Variants in NUMB observed in about 807,000 individuals in gnomAD.
NUMB encodes protein numb homolog.
Under a neutral mutation model 59.7 loss-of-function variants are expected in NUMB, and 29 were observed. The observed-to-expected ratio is 0.49, with a 90% CI of 0.36 to 0.66. The LOEUF (loss-of-function observed/expected upper bound fraction) is 0.66, where lower values mean the gene tolerates loss of function less well. Among genes scored for constraint, NUMB ranks in the 30% least tolerant of loss-of-function variants. NUMB has a pLI of 0.00. For synonymous variants in NUMB, 288 were observed against 288.2 expected (o/e 1.00, Z 0.01); for missense variants, 723 against 822.0 (o/e 0.88, Z 1.47).
At chr14:73,378,538 G>C (rs1287189963) in intron 2 of NUMB, among the ~76,000 whole-genome samples, 3 of 152,052 alleles carry the variant, frequency 2.0e-5, no homozygotes, top group Non-Finnish European at 4.4e-5. Context: ...ACAAACTGTG[G>C]TACATTCAAA....
In NUMB at chr14:73,293,259, C is replaced by T. The variant is rs558507829; in HGVS notation, c.310-385G>A. On this transcript the variant is annotated intron_variant, in intron 7 of 12. Transcript: ENST00000555238. ...ATAATAGTCATGTTTATGCTAACTT[C>T]GTTACACAATGAACACTACACACAC... Among the ~76,000 whole-genome samples, 14 of 152,166 alleles carry T rather than the reference C, an allele frequency of 9.2e-5. No homozygotes were observed. In the South Asian group the frequency reaches 1.5e-3, roughly 16 times the overall value.
At chr14:73,342,091 G>T (rs962938498) in intron 4 of NUMB, among the ~76,000 whole-genome samples, 1 of 152,182 alleles carries the variant, frequency 6.6e-6, no homozygotes, top group Non-Finnish European at 1.5e-5. Flanking sequence ...GAGAGACAAG[G>T]TCTCACTATA....
intron 4 of NUMB, among the ~76,000 whole-genome samples, chr14:73,353,079 T>TTTTTTTTTTTTG (rs1893539083): frequency 1.0e-5 from 1 of 96,480 alleles, no homozygotes; most frequent in Non-Finnish European, 2.1e-5. Flanking sequence ...CTTGTTTTTT[T>TTTTTTTTTTTTG]TTTTTTTTTT....
At chr14:73,452,307 C>T (rs1884043472) in intron 1 of NUMB, among the ~76,000 whole-genome samples, 1 of 152,096 alleles carries the variant, frequency 6.6e-6, no homozygotes, top group South Asian at 2.1e-4. Flanking sequence ...TTGCGGTGAG[C>T]TAAAATTGTG....
intron 4 of NUMB, among the ~76,000 whole-genome samples, chr14:73,324,620 T>G (rs182312224): frequency 3.3e-5 from 5 of 152,178 alleles, no homozygotes; most frequent in Admixed American, 3.3e-4. Flanking sequence ...CAAAGTTTTT[T>G]TTTTTTTCAA....
intron 6 of NUMB, chr14:73,298,719 C>G (rs1395384840): frequency 6.6e-6 from 1 of 152,200 alleles, no homozygotes; most frequent in Non-Finnish European, 1.5e-5. Context: ...AACTACCATT[C>G]TCCTCTATAA....
intron 1 of NUMB, among the ~76,000 whole-genome samples, chr14:73,411,919 CTTTTTTTTTT>C (rs935625343): frequency 9.4e-6 from 1 of 106,818 alleles, no homozygotes; most frequent in South Asian, 3.1e-4. Context: ...CAGCAATTAA[CTTTTTTTTTT>C]TTTTTTTTTT....
At chr14:73,282,573 G>A in intron 10 of NUMB, 68 bp from the exon 11 acceptor site, 1 of 1,520,928 alleles carries the variant, frequency 6.6e-7, no homozygotes, top group South Asian at 1.2e-5. Context: ...ACAGTATGAT[G>A]CAAGCTGGCA....
chr14:73,395,232 C>G (rs1451901744), intron 2 of NUMB, among the ~76,000 whole-genome samples: 1 of 151,920 alleles, frequency 6.6e-6, no homozygotes, highest in Non-Finnish European at 1.5e-5. Context: ...CACACACTCT[C>G]TACATTTCTT....
intron 2 of NUMB, among the ~76,000 whole-genome samples, chr14:73,378,405 A>T (rs538907823): frequency 6.6e-6 from 1 of 152,372 alleles, no homozygotes; most frequent in East Asian, 1.9e-4. Flanking sequence ...CTTGGTATTT[A>T]TCCAAATGAG....
chr14:73,282,873 C>T (rs1373204759), intron 10 of NUMB, among the ~76,000 whole-genome samples: 1 of 152,172 alleles, frequency 6.6e-6, no homozygotes, highest in East Asian at 1.9e-4. Context: ...TGCCTTCCAA[C>T]GTGTTCTCAA....
chr14:73,322,304 T>C (rs1387101771), intron 5 of NUMB, among the ~76,000 whole-genome samples: 1 of 152,266 alleles, frequency 6.6e-6, no homozygotes, highest in African/African-American at 2.4e-5. Flanking sequence ...TGAATCTTTA[T>C]GAATTCCGAA....
intron 2 of NUMB, among the ~76,000 whole-genome samples, chr14:73,404,232 G>T (rs1896551885): frequency 6.7e-6 from 1 of 149,884 alleles, no homozygotes; most frequent in Non-Finnish European, 1.5e-5. Flanking sequence ...ACAAAGCAAG[G>T]CTATGTCTCA....
chr14:73,446,059 C>T (rs563981044), intron 1 of NUMB, among the ~76,000 whole-genome samples: 1 of 150,520 alleles, frequency 6.6e-6, no homozygotes, highest in East Asian at 2.0e-4. Context: ...TCCAGTGGCA[C>T]GATCTCAGCC....
chr14:73,394,207 G>C (rs757837779), intron 2 of NUMB, among the ~76,000 whole-genome samples: 2 of 152,064 alleles, frequency 1.3e-5, no homozygotes, highest in Non-Finnish European at 2.9e-5. Context: ...AACCCACCTC[G>C]TGCTGGGATT....
chr14:73,301,860 C>G (rs1042513367), intron 6 of NUMB, among the ~76,000 whole-genome samples: 4 of 152,100 alleles, frequency 2.6e-5, no homozygotes, highest in Admixed American at 2.0e-4. Flanking sequence ...GCAGGTGGAT[C>G]GCTTGAGGCC....
At chr14:73,389,272 C>CAAAAAAAAAAAAAAA (rs869074049) in intron 2 of NUMB, among the ~76,000 whole-genome samples, 32 of 66,456 alleles carry the variant, frequency 4.8e-4, no homozygotes, top group African/African-American at 1.6e-3. Context: ...CTCCATCTCT[C>CAAAAAAAAAAAAAAA]AAAAAAAAAA....
rs148297930 is a variant in NUMB, at chr14:73,343,698, G to T, written c.126+11928C>A. Among the ~76,000 whole-genome samples the T allele has an allele frequency of 2.0e-5, 3 of 151,448 alleles. No homozygotes were observed. In the East Asian group the frequency reaches 5.8e-4, roughly 29 times the overall value. ...TGTCATTTGATACTAATGAGTGAAGGTACATACTCTTTAATTGGGTTGCTG... is the reference window on the plus strand; with the variant it reads ...TGTCATTTGATACTAATGAGTGAAGTTACATACTCTTTAATTGGGTTGCTG... On this transcript the variant is annotated intron_variant, in intron 4 of 12. Coordinates refer to ENST00000555238, the MANE Select transcript of NUMB (RefSeq NM_001005743.2).
chr14:73,341,233 C>T (rs1482083353), intron 4 of NUMB, among the ~76,000 whole-genome samples: 1 of 152,062 alleles, frequency 6.6e-6, no homozygotes, highest in East Asian at 1.9e-4. Context: ...GAGAGTAAGG[C>T]GTTTTAGTAT....
Sources: allele counts gnomAD v4.1 joint callset (sites outside exome capture counted in the v4.1 genomes callset), GRCh38; gene constraint gnomAD v4.1.1; transcripts MANE v1.5; gene names NCBI Gene and HGNC (gene_info 2026-07-23, HGNC 2026-07-21).